The following PCCA variants were observed in gnomAD, a reference collection of about 807,000 sequenced individuals.
PCCA encodes propionyl-CoA carboxylase alpha chain, mitochondrial.
In PCCA, 74 loss-of-function variants were observed where a neutral mutation model predicts 101.3. That is an observed-to-expected ratio of 0.73 (90% CI 0.61 to 0.89). The LOEUF is 0.89. PCCA is among the 40% of genes least tolerant of loss of function. The pLI is 0.00. For missense variants in PCCA, 891 were observed against 907.0 expected (o/e 0.98, Z 0.23); for synonymous variants, 294 against 313.6 (o/e 0.94, Z 0.66).
intron 19 of PCCA, among the ~76,000 whole-genome samples, chr13:100,377,367 G>A (rs2075980564): frequency 6.6e-6 from 1 of 152,148 alleles, no homozygotes; most frequent in Non-Finnish European, 1.5e-5. Flanking sequence ...CCATTTGGAT[G>A]GAACAATTTT....
chr13:100,147,402 C>T (rs2052711598), intron 4 of PCCA, among the ~76,000 whole-genome samples: 1 of 152,136 alleles, frequency 6.6e-6, no homozygotes, highest in Non-Finnish European at 1.5e-5. Context: ...GCAGTGATAG[C>T]TGCTGCTGGG....
At chr13:100,221,980 A>G (rs1843479371) in intron 7 of PCCA, among the ~76,000 whole-genome samples, 1 of 151,708 alleles carries the variant, frequency 6.6e-6, no homozygotes, top group African/African-American at 2.4e-5. Context: ...CAAGTGATCC[A>G]CCTGCCTTGG....
intron 16 of PCCA, among the ~76,000 whole-genome samples, chr13:100,321,653 A>AAT (rs144131029): frequency 0.039 from 5,659 of 144,656 alleles, 139 homozygotes; most frequent in Admixed American, 0.069. Context: ...AGCAATCTAT[A>AAT]ATATATATAT....
At chr13:100,145,689 C>G (rs916140210) in intron 4 of PCCA, among the ~76,000 whole-genome samples, 3 of 151,700 alleles carry the variant, frequency 2.0e-5, no homozygotes, top group Non-Finnish European at 4.4e-5. Flanking sequence ...TGGTGAAACC[C>G]ATCTCTACTA....
intron 19 of PCCA, among the ~76,000 whole-genome samples, chr13:100,404,316 C>T (rs1595768256): frequency 6.6e-6 from 1 of 152,286 alleles, no homozygotes; most frequent in Non-Finnish European, 1.5e-5. Context: ...TTCTGGGTTC[C>T]CTTCCCCTGA....
intron 16 of PCCA, among the ~76,000 whole-genome samples, chr13:100,310,893 A>G (rs1017403676): frequency 6.6e-6 from 1 of 152,156 alleles, no homozygotes; most frequent in African/African-American, 2.4e-5. Context: ...GTAGACAGAA[A>G]CCAGACAAAG....
chr13:100,257,529 A>T lies in PCCA; in HGVS notation c.638-66A>T. The T allele has an allele frequency of 4.6e-6, 5 of 1,084,538 alleles. No individual in the cohort carries two copies. The East Asian group carries it at 7.2e-5, about 16-fold the overall frequency. The allele number at this position is 1,084,538 out of a possible 1,614,324, so 67.2% of individuals were successfully genotyped here. On this transcript the variant is annotated intron_variant, in intron 8 of 23. Coordinates refer to ENST00000376285, the MANE Select transcript of PCCA (RefSeq NM_000282.4). ...TTCTGCGTTATTGAACATGTGGTCA[A>T]TTGTCATGTTCATACATCCCAATGA...
intron 6 of PCCA, among the ~76,000 whole-genome samples, chr13:100,176,348 G>C (rs2056238398): frequency 6.6e-6 from 1 of 152,200 alleles, no homozygotes; most frequent in South Asian, 2.1e-4. Flanking sequence ...TTCATGCATA[G>C]ATGGTGTAGC....
intron 6 of PCCA, among the ~76,000 whole-genome samples, chr13:100,179,087 A>T (rs1365611842): frequency 2.5e-4 from 27 of 108,562 alleles, no homozygotes; most frequent in Non-Finnish European, 3.9e-4. Flanking sequence ...AAAAAAAAAA[A>T]AAAAATATAT....
At chr13:100,145,334 G>A (rs961386345) in intron 4 of PCCA, among the ~76,000 whole-genome samples, 4 of 152,168 alleles carry the variant, frequency 2.6e-5, no homozygotes, top group Non-Finnish European at 5.9e-5. Flanking sequence ...CATCCCTGGC[G>A]TCTTACCCTC....
intron 16 of PCCA, among the ~76,000 whole-genome samples, chr13:100,315,119 A>G (rs939713731): frequency 3.9e-5 from 6 of 152,228 alleles, no homozygotes; most frequent in African/African-American, 7.2e-5. Flanking sequence ...AGAAAAAATT[A>G]GTGACAAAGC....
chr13:100,273,282 C>A lies in PCCA; in HGVS notation c.1001C>A (p.Thr334Asn). The stretch of plus-strand genomic sequence containing the variant: ...GCAGTAAAATATTCCTCTGCTGGGA[C>A]CGTGGAGTTCCTTGTGGACTCTAAG... ...ARAVKYSSAGTVEFLVDSKKN... is the reference protein window; with the variant it reads ...ARAVKYSSAGNVEFLVDSKKN... Residue 334 changes from threonine (T) to asparagine (N), a missense_variant, in exon 12 of 24, where the codon ACC becomes AAC. Coordinates refer to ENST00000376285, the MANE Select transcript of PCCA (RefSeq NM_000282.4). 6.2e-7 allele frequency: 1 copy of A among 1,611,820 alleles called. No homozygotes were observed. Among genetic ancestry groups the A allele is most frequent in the Non-Finnish European group, 8.5e-7 (1 of 1,177,980 alleles).
At chr13:100,164,175 A>G (rs2054795325) in intron 6 of PCCA, among the ~76,000 whole-genome samples, 1 of 152,246 alleles carries the variant, frequency 6.6e-6, no homozygotes, top group South Asian at 2.1e-4. Flanking sequence ...ACAAATCTCT[A>G]GATTAAATAT....
chr13:100,182,463 A>G (rs1197114957), intron 6 of PCCA, among the ~76,000 whole-genome samples: 1 of 152,166 alleles, frequency 6.6e-6, no homozygotes, highest in Non-Finnish European at 1.5e-5. Context: ...CTGTGGAACC[A>G]GTGTCAGGGC....
intron 12 of PCCA, among the ~76,000 whole-genome samples, chr13:100,279,760 C>T (rs1268841732): frequency 6.6e-6 from 1 of 152,182 alleles, no homozygotes; most frequent in Non-Finnish European, 1.5e-5. Context: ...AGGCATGAGC[C>T]ACCGCGCCTG....
intron 19 of PCCA, among the ~76,000 whole-genome samples, chr13:100,421,309 C>T (rs577400371): frequency 6.6e-6 from 1 of 152,306 alleles, no homozygotes; most frequent in Admixed American, 6.5e-5. Context: ...ACCTGTTCCT[C>T]AGCTATTCTG....
chr13:100,221,963 C>G (rs1046927040), intron 7 of PCCA, among the ~76,000 whole-genome samples: 2 of 151,990 alleles, frequency 1.3e-5, no homozygotes, highest in African/African-American at 4.8e-5. Flanking sequence ...TCTCAAACTC[C>G]TGACCTCAAG....
At chr13:100,106,476 T>C (rs2047804509) in intron 2 of PCCA, among the ~76,000 whole-genome samples, 1 of 152,134 alleles carries the variant, frequency 6.6e-6, no homozygotes, top group Non-Finnish European at 1.5e-5. Flanking sequence ...AGTGGCATGA[T>C]CTTGGCTCAC....
At chr13:100,361,371 T>G (rs1372486981) in intron 18 of PCCA, among the ~76,000 whole-genome samples, 2 of 152,044 alleles carry the variant, frequency 1.3e-5, no homozygotes, top group Non-Finnish European at 2.9e-5. Context: ...GGAATTCATG[T>G]GGGGGAGGAT....
Sources: allele counts gnomAD v4.1 joint callset (sites outside exome capture counted in the v4.1 genomes callset), GRCh38; gene constraint gnomAD v4.1.1; transcripts MANE v1.5; gene names NCBI Gene and HGNC (gene_info 2026-07-23, HGNC 2026-07-21).